Variants in JMJD1C observed in about 807,000 individuals in gnomAD.
JMJD1C encodes jumonji domain-containing protein 1C.
In JMJD1C, 31 loss-of-function variants were observed where a neutral mutation model predicts 245.3. The ratio of observed to expected loss-of-function variants is 0.13; its 90% confidence interval spans 0.09 to 0.17. The LOEUF is 0.17. Ranked by LOEUF, JMJD1C falls within the 10% of genes least tolerant of loss-of-function variation. JMJD1C has a pLI of 1.00. For synonymous variants in JMJD1C, 1,057 were observed against 1,017.4 expected, an observed-to-expected ratio of 1.04 and a Z score of -0.74; for missense variants, 2,691 against 3,000.2, an observed-to-expected ratio of 0.90 and a Z score of 2.41.
rs1589149669 is a variant in JMJD1C at position 63,208,175 on chromosome 10, T to C, written c.3494A>G (p.Glu1165Gly). 31 of 1,613,914 alleles carry C rather than the reference T, an allele frequency of 1.9e-5. No homozygotes were observed. The highest frequency in any genetic ancestry group is 2.6e-5 in the Non-Finnish European group (31 of 1,179,994). ...AGATGCAATCTGATGTGGAAGATGT[T>C]CTGGTATCTTGCCTACTAAACCTTC... is the stretch of plus-strand genomic sequence containing the variant. ...ESEGLVGKIP[E>G]HLPHQIASHS... is the part of the protein sequence containing the mutation. The change falls in exon 10 of 26, where the codon GAA becomes GGA. Residue 1165 changes from glutamate to glycine, a missense_variant. Transcript: ENST00000399262.
At chr10:63,495,754 C>CAAA (rs34098324) in intron 1 of JMJD1C, among the ~76,000 whole-genome samples, 5 of 135,738 alleles carry the variant, frequency 3.7e-5, no homozygotes, top group African/African-American at 5.7e-5. Context: ...ACTCCTAACT[C>CAAA]AAAAAAAAAA....
At chr10:63,284,007 TTTC>T (rs1857691810) in intron 2 of JMJD1C, among the ~76,000 whole-genome samples, 1 of 151,828 alleles carries the variant, frequency 6.6e-6, no homozygotes, top group Non-Finnish European at 1.5e-5. Context: ...AATTTTCTGT[TTTC>T]TTTTCTTCTT....
chr10:63,294,849 T>C (rs908424141), intron 2 of JMJD1C, among the ~76,000 whole-genome samples: 3 of 152,180 alleles, frequency 2.0e-5, no homozygotes, highest in African/African-American at 7.2e-5. Context: ...TCATTAAATA[T>C]TTTTAAAGAA....
intron 16 of JMJD1C, among the ~76,000 whole-genome samples, chr10:63,191,983 CAAAAAAAAAAAAA>C (rs10652559): frequency 3.3e-5 from 2 of 60,824 alleles, no homozygotes; most frequent in Admixed American, 2.2e-4. Context: ...GACTCTGTCT[CAAAAAAAAAAAAA>C]AAAAAAAAAA....
chr10:63,352,329 T>C (rs1423602281), intron 2 of JMJD1C, among the ~76,000 whole-genome samples: 1 of 152,008 alleles, frequency 6.6e-6, no homozygotes, highest in Non-Finnish European at 1.5e-5. Context: ...TAGATACCAA[T>C]AAAAAGGATA....
intron 17 of JMJD1C, among the ~76,000 whole-genome samples, chr10:63,190,180 C>T (rs567189369): frequency 2.6e-5 from 4 of 151,788 alleles, no homozygotes; most frequent in South Asian, 2.1e-4. Context: ...GGATTACAGG[C>T]GTAAGCCACC....
chr10:63,377,904 T>C (rs752918026), intron 2 of JMJD1C, among the ~76,000 whole-genome samples: 15 of 90,064 alleles, frequency 1.7e-4, no homozygotes, highest in Non-Finnish European at 2.0e-4. Flanking sequence ...TCTAAATAAA[T>C]AAAATAAATA....
intron 11 of JMJD1C, among the ~76,000 whole-genome samples, 181 bp from the exon 12 acceptor site, chr10:63,198,908 G>A (rs776956864): frequency 1.3e-5 from 2 of 152,162 alleles, no homozygotes; most frequent in East Asian, 1.9e-4. Flanking sequence ...TAACTCAGGT[G>A]TTATGCAAAT....
At chr10:63,506,968 C>T (rs1270339470) in intron 1 of JMJD1C, among the ~76,000 whole-genome samples, 1 of 152,182 alleles carries the variant, frequency 6.6e-6, no homozygotes, top group Non-Finnish European at 1.5e-5. Context: ...AATCTTTTTA[C>T]AGTCTCCATG....
chr10:63,301,498 C>T (rs1192488545), intron 2 of JMJD1C, among the ~76,000 whole-genome samples: 1 of 152,204 alleles, frequency 6.6e-6, no homozygotes, highest in African/African-American at 2.4e-5. Flanking sequence ...TACATGCACA[C>T]TTAAGATATA....
At chr10:63,429,952 C>T (rs750784234) in intron 1 of JMJD1C, among the ~76,000 whole-genome samples, 8 of 152,152 alleles carry the variant, frequency 5.3e-5, no homozygotes, top group South Asian at 4.1e-4. Context: ...GAAGTAAGCT[C>T]TTATCTAAGG....
chr10:63,386,373 C>T (rs1201799864), intron 1 of JMJD1C, among the ~76,000 whole-genome samples: 1 of 152,178 alleles, frequency 6.6e-6, no homozygotes, highest in Non-Finnish European at 1.5e-5. Flanking sequence ...AGCAGGGCTG[C>T]AACATGATGG....
At chr10:63,236,354 T>TA (rs921076846) in intron 3 of JMJD1C, among the ~76,000 whole-genome samples, 35 of 152,050 alleles carry the variant, frequency 2.3e-4, no homozygotes, top group African/African-American at 1.7e-4. Flanking sequence ...ATAACCAGAG[T>TA]AAAAAAATCA....
At chr10:63,367,231 TTTTG>T (rs1407963101) in intron 2 of JMJD1C, among the ~76,000 whole-genome samples, 5 of 151,994 alleles carry the variant, frequency 3.3e-5, no homozygotes, top group Non-Finnish European at 5.9e-5. Context: ...CCTAGTTTTT[TTTTG>T]TTTTTGTTTT....
At chr10:63,484,461 G>A (rs1320762206) in intron 1 of JMJD1C, among the ~76,000 whole-genome samples, 4 of 151,570 alleles carry the variant, frequency 2.6e-5, no homozygotes, top group Non-Finnish European at 4.4e-5. Flanking sequence ...CCCTTTTCAC[G>A]CTATTTATAC....
chr10:63,397,243 C>T (rs962252626), intron 1 of JMJD1C, among the ~76,000 whole-genome samples: 4 of 152,230 alleles, frequency 2.6e-5, no homozygotes, highest in Middle Eastern at 3.4e-3. Flanking sequence ...GACAGAGTTT[C>T]GCTCTTGTCG....
intron 1 of JMJD1C, among the ~76,000 whole-genome samples, chr10:63,391,708 GATC>G (rs1200826883): frequency 6.6e-6 from 1 of 152,098 alleles, no homozygotes; most frequent in African/African-American, 2.4e-5. Context: ...TCATTAAAAT[GATC>G]ATATTGTCTG....
intron 1 of JMJD1C, among the ~76,000 whole-genome samples, chr10:63,503,796 T>C (rs1409795685): frequency 6.6e-6 from 1 of 152,248 alleles, no homozygotes; most frequent in Non-Finnish European, 1.5e-5. Context: ...AATTTGCCTT[T>C]GACAACTTTC....
At chr10:63,268,788 T>TA in intron 2 of JMJD1C, 2 of 985,724 alleles carry the variant, frequency 2.0e-6, no homozygotes, top group Admixed American at 1.2e-4. Flanking sequence ...AATACTTCTT[T>TA]AGTCTTCAAA....
Sources: gnomAD v4.1 joint callset for allele counts (sites outside exome capture counted in the v4.1 genomes callset) on GRCh38, gnomAD v4.1.1 for gene constraint, MANE v1.5 for transcripts, NCBI Gene and HGNC (gene_info 2026-07-23, HGNC 2026-07-21) for gene names.